Variants in PTX3 observed in about 807,000 individuals in gnomAD.
PTX3 encodes pentraxin 3.
PTX3 carries 24 observed loss-of-function variants against 23.5 expected under a neutral mutation model. The ratio of observed to expected loss-of-function variants is 1.02; its 90% CI spans 0.74 to 1.43. PTX3 has a LOEUF of 1.43. Ranked by LOEUF, PTX3 falls within the 40% of genes most tolerant of loss-of-function variation. PTX3 has a pLI of 0.00. For synonymous variants in PTX3, 218 were observed against 205.4 expected, an observed-to-expected ratio of 1.06 and a Z score of -0.53; for missense variants, 510 against 497.5, an observed-to-expected ratio of 1.02 and a Z score of -0.24.
rs34655398 is a variant in PTX3, at chr3:157,437,050, T to G, written c.117T>G (p.His39Gln). Residue 39 changes from histidine (H) to glutamine (Q), a missense_variant, in exon 1 of 3, where the codon CAT becomes CAG. Coordinates refer to ENST00000295927, the MANE Select transcript of PTX3 (RefSeq NM_002852.4). Reference sequence around the variant, plus strand: ...ACAACGAAATAGACAATGGACTCCATCCCACTGAGGACCGTAAGTTCACTT... The same window carrying G: ...ACAACGAAATAGACAATGGACTCCAGCCCACTGAGGACCGTAAGTTCACTT... ...NLDNEIDNGL[H>Q]PTEDPTPCAC... The G allele has an allele frequency of 3.2e-3, 5,127 of 1,613,962 alleles. 98 individuals carry two copies. The African/African-American group carries it at 0.053, about 17-fold the overall frequency.
Position 157,442,909 on chromosome 3 carries a change from T to A in PTX3, c.1076T>A (p.Ile359Asn). The change falls in exon 3 of 3, where the codon ATC (isoleucine) becomes AAC (asparagine). Residue 359 changes from isoleucine (I) to asparagine (N), a missense_variant. Transcript: ENST00000295927. ...ACCGGAGGAGCAGAGTCTTGTCACATCCGGGGGAATATTGTTGGGTGGGGA... is the reference window on the plus strand; with the variant it reads ...ACCGGAGGAGCAGAGTCTTGTCACAACCGGGGGAATATTGTTGGGTGGGGA... Reference protein sequence around the residue: ...RETGGAESCHIRGNIVGWGVT... With the variant: ...RETGGAESCHNRGNIVGWGVT... 6.2e-7 allele frequency: 1 copy of A among 1,614,046 alleles called. No homozygotes were observed. Among genetic ancestry groups the A allele is most frequent in the Non-Finnish European group, 8.5e-7 (1 of 1,179,964 alleles).
In PTX3 at chr3:157,443,522, G is replaced by T. The variant is rs537655002; in HGVS notation, c.*543G>T. 1 of 152,826 alleles carries T rather than the reference G, an allele frequency of 6.5e-6. No homozygotes were observed. The highest frequency in any genetic ancestry group is 2.1e-4 in the South Asian group (1 of 4,824). 9.5% of individuals were successfully genotyped at this position (152,826 alleles called of 1,614,324 possible). ...TAGTCATATAAGTTATATTGCAAAA[G>T]GGATTTGTATTAATTTAAGACTATT... is the stretch of plus-strand genomic sequence containing the variant. On this transcript the variant is annotated 3_prime_UTR_variant, in exon 3 of 3. Transcript: ENST00000295927.
chr3:157,442,297 T>C (rs892672683), intron 2 of PTX3, 69 bp from the exon 3 acceptor site: 76 of 1,325,510 alleles, frequency 5.7e-5, no homozygotes, highest in Middle Eastern at 2.7e-4. Context: ...GTTAAATAAC[T>C]AATGCCAGAA....
rs761429280 is a variant in PTX3, at chr3:157,443,010, A to G, written c.*31A>G. 2 of 1,563,450 alleles carry G rather than the reference A, an allele frequency of 1.3e-6. No homozygotes were observed. The highest frequency in any genetic ancestry group is 1.9e-5 in the Admixed American group (1 of 51,708). ...GTGAAACTCCACTTGAAGCCAAAGA[A>G]AGAAACTCACACTTAAAACACATGC... is the stretch of plus-strand genomic sequence containing the variant. On this transcript the variant is annotated 3_prime_UTR_variant, in exon 3 of 3. Coordinates refer to ENST00000295927, the MANE Select transcript of PTX3 (RefSeq NM_002852.4).
chr3:157,441,956 A>G (rs1734155234), intron 2 of PTX3, among the ~76,000 whole-genome samples: 1 of 152,218 alleles, frequency 6.6e-6, no homozygotes, highest in Non-Finnish European at 1.5e-5. Flanking sequence ...TGGCAAAAAG[A>G]GAGAACCAGG....
intron 1 of PTX3, 85 bp from the exon 2 acceptor site, chr3:157,437,428 C>A: frequency 1.3e-6 from 2 of 1,502,824 alleles, no homozygotes; most frequent in Non-Finnish European, 1.8e-6. Flanking sequence ...TGCAACTTGG[C>A]ACCACCGAGG....
intron 2 of PTX3, among the ~76,000 whole-genome samples, chr3:157,438,538 G>A (rs55757068): frequency 0.1 from 15,698 of 152,154 alleles, 1,268 homozygotes; most frequent in South Asian, 0.24. Context: ...TGGAATTAGC[G>A]CGACAGGGGA....
chr3:157,437,440 A>T, intron 1 of PTX3, 73 bp from the exon 2 acceptor site: 1 of 1,533,218 alleles, frequency 6.5e-7, no homozygotes, highest in Non-Finnish European at 8.8e-7. Context: ...CCACCGAGGG[A>T]GGTCAGCTTT....
intron 2 of PTX3, among the ~76,000 whole-genome samples, chr3:157,442,068 T>C (rs1370695230): frequency 1.3e-5 from 2 of 152,122 alleles, no homozygotes; most frequent in Non-Finnish European, 2.9e-5. Context: ...AATATGCAAA[T>C]TGGAAGGGGA....
At chr3:157,437,344 C>A (rs1733680340) in intron 1 of PTX3, among the ~76,000 whole-genome samples, 169 bp from the exon 2 acceptor site, 2 of 152,200 alleles carry the variant, frequency 1.3e-5, no homozygotes, top group African/African-American at 4.8e-5. Flanking sequence ...TGAATGATTT[C>A]TGTCGTTTCT....
intron 2 of PTX3, among the ~76,000 whole-genome samples, chr3:157,438,675 A>C (rs1733875193): frequency 6.6e-6 from 1 of 152,228 alleles, no homozygotes; most frequent in Admixed American, 6.5e-5. Context: ...GAGACTGTTC[A>C]AACCACAGGC....
At chr3:157,438,499 T>C (rs897020578) in intron 2 of PTX3, among the ~76,000 whole-genome samples, 8 of 152,178 alleles carry the variant, frequency 5.3e-5, no homozygotes, top group African/African-American at 1.4e-4. Context: ...AGCGGAATTC[T>C]TCAGGGGTCC....
At position 157,442,511 on chromosome 3, in the gene PTX3, C is replaced by T; in HGVS notation, c.678C>T (p.Ser226=). 1 of 1,614,160 alleles carries T rather than the reference C, an allele frequency of 6.2e-7. No individual in the cohort carries two copies. The highest frequency in any genetic ancestry group is 8.5e-7 in the Non-Finnish European group (1 of 1,180,028). ...TATTAAACAAAACCATCCTGTTTTCCTATGGCACAAAGAGGAATCCATATG... is the reference window on the plus strand; with the variant it reads ...TATTAAACAAAACCATCCTGTTTTCTTATGGCACAAAGAGGAATCCATATG... ...TDVLNKTILF[S]YGTKRNPYEI... The change falls in exon 3 of 3, where the codon TCC becomes TCT. Residue 226 remains serine (S), a synonymous_variant. Coordinates refer to ENST00000295927, the MANE Select transcript of PTX3 (RefSeq NM_002852.4).
chr3:157,437,363 T>G (rs757578058), intron 1 of PTX3, 150 bp from the exon 2 acceptor site: 1 of 989,142 alleles, frequency 1.0e-6, no homozygotes, highest in East Asian at 2.6e-5. Flanking sequence ...CTGAGACATT[T>G]ACATGCTGTT....
At position 157,442,419 on chromosome 3, in the gene PTX3, G is replaced by C; in HGVS notation, c.586G>C (p.Val196Leu). ...PMRSKKIFGS[V>L]HPVRPMRLES... ...GCGTTCCAAGAAGATTTTTGGAAGC[G>C]TGCATCCAGTGAGACCAATGAGGCT... Residue 196 changes from valine to leucine, a missense_variant, in exon 3 of 3, where the codon GTG (valine) becomes CTG (leucine). Physicochemically the swap from Val to Leu is conservative, Grantham distance 32. Transcript: ENST00000295927. The C allele has an allele frequency of 6.2e-7, 1 of 1,613,948 alleles. No individual in the cohort carries two copies. The highest frequency in any genetic ancestry group is 8.5e-7 in the Non-Finnish European group (1 of 1,179,832).
In PTX3 at chr3:157,437,770, A is replaced by T; in HGVS notation, c.388A>T (p.Arg130Trp). 1 of 1,484,056 alleles carries T rather than the reference A, an allele frequency of 6.7e-7. No homozygotes were observed. Among genetic ancestry groups the T allele is most frequent in the Non-Finnish European group, 8.9e-7 (1 of 1,127,764 alleles). 91.9% of individuals were successfully genotyped at this position (1,484,056 alleles called of 1,614,324 possible). The change falls in exon 2 of 3, where the codon AGG (arginine) becomes TGG (tryptophan). Residue 130 changes from arginine to tryptophan, a missense_variant. By Grantham distance (101) the Arg-to-Trp change is moderately radical. Transcript: ENST00000295927. ...LLQATRDAGRRLARMEGAEAQ... is the reference protein window; with the variant it reads ...LLQATRDAGRWLARMEGAEAQ... Reference sequence around the variant, plus strand: ...GCAGGCGACCCGCGACGCGGGCCGCAGGCTGGCGCGTATGGAGGGCGCGGA... The same window carrying T: ...GCAGGCGACCCGCGACGCGGGCCGCTGGCTGGCGCGTATGGAGGGCGCGGA...
intron 2 of PTX3, among the ~76,000 whole-genome samples, chr3:157,440,586 A>G (rs1489449896): frequency 6.6e-6 from 1 of 152,094 alleles, no homozygotes; most frequent in Admixed American, 6.5e-5. Context: ...ACATACACAT[A>G]CACACATATA....
chr3:157,440,176 T>A (rs1181627245), intron 2 of PTX3, among the ~76,000 whole-genome samples: 2 of 152,230 alleles, frequency 1.3e-5, no homozygotes, highest in Non-Finnish European at 2.9e-5. Context: ...GAAAATAGAA[T>A]CACTGCCTCA....
chr3:157,442,194 T>C (rs1462772573), intron 2 of PTX3, among the ~76,000 whole-genome samples, 172 bp from the exon 3 acceptor site: 1 of 152,210 alleles, frequency 6.6e-6, no homozygotes, highest in Non-Finnish European at 1.5e-5. Context: ...CTTTTTCTCA[T>C]TTTCTTTGCT....
Sources: allele counts gnomAD v4.1 joint callset (sites outside exome capture counted in the v4.1 genomes callset), GRCh38; gene constraint gnomAD v4.1.1; transcripts MANE v1.5; gene names NCBI Gene and HGNC (gene_info 2026-07-23, HGNC 2026-07-21).